Variants in AAAS observed in about 807,000 individuals in gnomAD.
AAAS encodes the protein aladin WD repeat nucleoporin.
Under a neutral mutation model 75.6 loss-of-function variants are expected in AAAS, and 60 were observed. That is an observed-to-expected ratio of 0.79 (90% CI 0.64 to 0.98). AAAS has a LOEUF of 0.98. Among genes scored for constraint, AAAS ranks in the 50% least tolerant of loss-of-function variants. AAAS has a pLI of 0.00. For missense variants in AAAS, 658 were observed against 686.9 expected, an observed-to-expected ratio of 0.96 and a Z score of 0.47; for synonymous variants, 271 against 265.0, an observed-to-expected ratio of 1.02 and a Z score of -0.22.
At chr12:53,313,835 C>T (rs1186806933) in intron 7 of AAAS, among the ~76,000 whole-genome samples, 1 of 152,126 alleles carries the variant, frequency 6.6e-6, no homozygotes, top group Non-Finnish European at 1.5e-5. Flanking sequence ...TCTCGAACTC[C>T]TGACCTCAGG....
chr12:53,320,427 A>C, intron 2 of AAAS, 138 bp downstream of exon 2: 1 of 1,244,176 alleles, frequency 8.0e-7, no homozygotes. Context: ...TAAAAATTTC[A>C]TATGATTTAG....
chr12:53,308,745 A>G lies in AAAS; in HGVS notation c.1067T>C (p.Leu356Pro). The G allele has an allele frequency of 1.1e-5, 17 of 1,614,000 alleles. No homozygotes were observed. Among genetic ancestry groups the G allele is most frequent in the Non-Finnish European group, 1.4e-5 (17 of 1,179,896 alleles). The change falls in exon 11 of 16, where the codon CTG becomes CCG. Residue 356 changes from leucine to proline, a missense_variant. By Grantham distance (98) the Leu-to-Pro change is moderately conservative (BLOSUM62 -3). Coordinates refer to ENST00000209873, the MANE Select transcript of AAAS (RefSeq NM_015665.6). ...CTCACCACAACGTTCTGGAAAAGAC[A>G]GGGAGTAAATCAGTGGCTCTCCCAA... Reference protein sequence around the residue: ...TVLGEPLIYSLSFPERCGEGK... With the variant: ...TVLGEPLIYSPSFPERCGEGK...
At chr12:53,309,787 C>A in intron 7 of AAAS, 66 bp from the exon 8 acceptor site, 1 of 1,587,782 alleles carries the variant, frequency 6.3e-7, no homozygotes, top group Non-Finnish European at 8.6e-7. Context: ...AATTCTATTT[C>A]TTTGCCTCCT....
Position 53,307,471 on chromosome 12 carries a change from AG to A in AAAS, c.*17del. The A allele has an allele frequency of 6.2e-7, 1 of 1,602,286 alleles. No homozygotes were observed. Among genetic ancestry groups the A allele is most frequent in the Non-Finnish European group, 8.5e-7 (1 of 1,171,888 alleles). The stretch of plus-strand genomic sequence containing the variant: ...GACTGGTAACTGAGTGGAAAACAAA[AG>A]GAAAACTTATTTATTCTTAGAGGTG... On this transcript the variant is annotated 3_prime_UTR_variant, in exon 16 of 16. Coordinates refer to ENST00000209873, the MANE Select transcript of AAAS (RefSeq NM_015665.6).
chr12:53,312,052 G>C (rs1046266574), intron 7 of AAAS, among the ~76,000 whole-genome samples: 2 of 152,114 alleles, frequency 1.3e-5, no homozygotes, highest in Admixed American at 1.3e-4. Context: ...GACAGGCCGG[G>C]CATGGTGGCT....
Position 53,321,573 on chromosome 12 carries a change from C to G in AAAS, c.-108G>C. ...GCTAGATTCGTATGCGGACGGGTAC[C>G]GCAAGGGACAAACGGCGAGGCGGAA... On this transcript the variant is annotated 5_prime_UTR_variant, in exon 1 of 16. Coordinates refer to ENST00000209873, the MANE Select transcript of AAAS (RefSeq NM_015665.6). The G allele has an allele frequency of 1.3e-6, 2 of 1,583,636 alleles. No homozygotes were observed. The highest frequency in any genetic ancestry group is 1.7e-6 in the Non-Finnish European group (2 of 1,163,246).
At chr12:53,309,436 G>A (rs183846341) in intron 8 of AAAS, among the ~76,000 whole-genome samples, 155 bp from the exon 9 acceptor site, 22 of 152,372 alleles carry the variant, frequency 1.4e-4, no homozygotes, top group Non-Finnish European at 2.1e-4. Flanking sequence ...ATTACAGACA[G>A]CGGAATTTTA....
In AAAS at chr12:53,307,904, C is replaced by A. The variant is rs746875610; in HGVS notation, c.1357G>T (p.Ala453Ser). The change falls in exon 15 of 16, where the codon GCC becomes TCC. Residue 453 changes from alanine to serine, a missense_variant. By Grantham distance (99) the Ala-to-Ser change is moderately conservative. Coordinates refer to ENST00000209873, the MANE Select transcript of AAAS (RefSeq NM_015665.6). ...PCGIIQGEPGAQPQLITFHPS... is the reference protein window; with the variant it reads ...PCGIIQGEPGSQPQLITFHPS... ...TGGAAAGTGATGAGCTGGGGCTGGGCTCCTGGCTCCCCCTGGATAATGCCA... is the reference window on the plus strand; with the variant it reads ...TGGAAAGTGATGAGCTGGGGCTGGGATCCTGGCTCCCCCTGGATAATGCCA... 1 of 1,614,202 alleles carries A rather than the reference C, an allele frequency of 6.2e-7. No homozygotes were observed. Among genetic ancestry groups the A allele is most frequent in the South Asian group, 1.1e-5 (1 of 91,088 alleles).
In AAAS at chr12:53,308,454, T is replaced by A. The variant is rs752235152; in HGVS notation, c.1162A>T (p.Thr388Ser). 6.2e-7 allele frequency: 1 copy of A among 1,614,136 alleles called. No homozygotes were observed. The highest frequency in any genetic ancestry group is 8.5e-7 in the Non-Finnish European group (1 of 1,180,018). ...GCTCACCTCTCCTCACCATCTGGTG[T>A]CTGTATTGTTGTCTCAGACAGATCT... Reference protein sequence around the residue: ...VADLSETTIQTPDGEERLGGE... With the variant: ...VADLSETTIQSPDGEERLGGE... Residue 388 changes from threonine to serine, a missense_variant, in exon 12 of 16, where the codon ACA (threonine) becomes TCA (serine). Thr to Ser is a moderately conservative substitution (Grantham distance 58). Coordinates refer to ENST00000209873, the MANE Select transcript of AAAS (RefSeq NM_015665.6).
At position 53,321,501 on chromosome 12, in the gene AAAS, T is replaced by G; in HGVS notation, c.-36A>C. On this transcript the variant is annotated 5_prime_UTR_variant, in exon 1 of 16. Transcript: ENST00000209873. ...CGCAGGACGTCTGCAGTCGGCAAAC[T>G]CCTGGCCGGAACGGCACAGACCGCA... 1 of 1,613,038 alleles carries G rather than the reference T, an allele frequency of 6.2e-7. No homozygotes were observed. The highest frequency in any genetic ancestry group is 8.5e-7 in the Non-Finnish European group (1 of 1,179,836).
chr12:53,318,327 G>T (rs1355750204), intron 2 of AAAS, among the ~76,000 whole-genome samples: 3 of 151,234 alleles, frequency 2.0e-5, no homozygotes, highest in Non-Finnish European at 4.4e-5. Context: ...TGTGAACTCG[G>T]CTCACTGCAA....
Position 53,315,325 on chromosome 12 carries a change from C to G in AAAS, c.399+10G>C, listed in dbSNP as rs1944445288. 2.5e-5 allele frequency: 40 copies of G among 1,613,892 alleles called. No individual in the cohort carries two copies. Among genetic ancestry groups the G allele is most frequent in the Non-Finnish European group, 3.3e-5 (39 of 1,179,936 alleles). On this transcript the variant is annotated intron_variant, in intron 4 of 15. Transcript: ENST00000209873. The stretch of plus-strand genomic sequence containing the variant: ...CAAATGCAGAGGGCTGGGGAGGAAG[C>G]CAAACTTACAGACAGATGGGGGAAC...
chr12:53,308,840 GAGA>G, intron 10 of AAAS, 25 bp from the exon 11 acceptor site: 2 of 1,613,838 alleles, frequency 1.2e-6, no homozygotes, highest in Non-Finnish European at 1.7e-6. Context: ...CAAAAGGCAG[GAGA>G]AGGTATGTCT....
intron 7 of AAAS, among the ~76,000 whole-genome samples, chr12:53,310,266 A>T (rs773137498): frequency 6.6e-6 from 1 of 152,234 alleles, no homozygotes; most frequent in Non-Finnish European, 1.5e-5. Context: ...TCCTTATCAT[A>T]AAGATGCTGC....
At chr12:53,314,674 A>G (rs906863777) in intron 6 of AAAS, 77 bp downstream of exon 6, 2 of 1,477,584 alleles carry the variant, frequency 1.4e-6, no homozygotes, top group African/African-American at 2.8e-5. Flanking sequence ...CAAGAACTAC[A>G]GGACTCCCCG....
rs747615440 is a variant in AAAS at position 53,315,153 on chromosome 12, G to A, written c.400-13C>T. The A allele has an allele frequency of 3.1e-6, 5 of 1,614,046 alleles. No homozygotes were observed. The Admixed American group carries it at 8.3e-5, about 27-fold the overall frequency. ...CTTCGCTCCTGAGCTGTAAGAACAA[G>A]ATAGACACAGGACACACTGGGGCAA... On this transcript the variant is annotated splice_polypyrimidine_tract_variant and intron_variant, in intron 4 of 15. Transcript: ENST00000209873.
intron 7 of AAAS, chr12:53,309,955 C>T (rs1944361229): frequency 9.8e-6 from 6 of 610,314 alleles, no homozygotes. Flanking sequence ...TGCAAGGTCT[C>T]AGGCCAGGGT....
chr12:53,320,224 T>C (rs1944532518), intron 2 of AAAS, among the ~76,000 whole-genome samples: 1 of 152,182 alleles, frequency 6.6e-6, no homozygotes, highest in South Asian at 2.1e-4. Context: ...TATCTGATCT[T>C]GCTGAGCTTC....
intron 7 of AAAS, among the ~76,000 whole-genome samples, chr12:53,313,442 A>C (rs1256813407): frequency 1.3e-5 from 2 of 151,960 alleles, no homozygotes; most frequent in Non-Finnish European, 2.9e-5. Context: ...CTGAGATTAC[A>C]GGCATGAGCC....
Sources: gnomAD v4.1 joint callset for allele counts (sites outside exome capture counted in the v4.1 genomes callset) on GRCh38, gnomAD v4.1.1 for gene constraint, MANE v1.5 for transcripts, NCBI Gene and HGNC (gene_info 2026-07-23, HGNC 2026-07-21) for gene names.